SLCO1A2: variants seen among roughly 807,000 people sequenced by gnomAD.
SLCO1A2 encodes the protein OATP-1.
SLCO1A2 carries 67 observed loss-of-function variants against 69.0 expected under a neutral mutation model. The ratio of observed to expected loss-of-function variants is 0.97; its 90% confidence interval spans 0.80 to 1.19. The LOEUF is 1.19. Among genes scored for constraint, SLCO1A2 ranks in the 50% most tolerant of loss-of-function variants. SLCO1A2 has a pLI of 0.00. For missense variants in SLCO1A2, 787 were observed against 793.7 expected, an observed-to-expected ratio of 0.99 and a Z score of 0.10; for synonymous variants, 260 against 265.9, an observed-to-expected ratio of 0.98 and a Z score of 0.22.
At position 21,265,125 on chromosome 12, in the gene SLCO1A2, A is replaced by G. The variant is rs1941939855; in HGVS notation, c.*4423T>C. On this transcript the variant is annotated 3_prime_UTR_variant, in exon 15 of 15. Transcript: ENST00000683939. ...AACATCAATTGTATGAGTGTAATAGACATTCTAGTTCTTCAGCAGCTGGGG... is the reference window on the plus strand; with the variant it reads ...AACATCAATTGTATGAGTGTAATAGGCATTCTAGTTCTTCAGCAGCTGGGG... 1 of 152,180 alleles carries G rather than the reference A, an allele frequency of 6.6e-6. No individual in the cohort carries two copies. Among genetic ancestry groups the G allele is most frequent in the South Asian group, 2.1e-4 (1 of 4,824 alleles). 9.4% of individuals were successfully genotyped at this position (152,180 alleles called of 1,614,324 possible).
intron 4 of SLCO1A2, among the ~76,000 whole-genome samples, chr12:21,309,060 C>G (rs2136579120): frequency 6.6e-6 from 1 of 152,012 alleles, no homozygotes; most frequent in Admixed American, 6.5e-5. Flanking sequence ...AAGGGACATT[C>G]AAAGAATAAG....
intron 1 of SLCO1A2, among the ~76,000 whole-genome samples, chr12:21,377,149 A>G (rs1940258397): frequency 6.6e-6 from 1 of 152,168 alleles, no homozygotes; most frequent in Non-Finnish European, 1.5e-5. Flanking sequence ...GGCTAGAAAA[A>G]TGTGATGAAT....
chr12:21,304,539 C>A lies in SLCO1A2; in HGVS notation c.477G>T (p.Val159=). 6.2e-7 allele frequency: 1 copy of A among 1,612,332 alleles called. No individual in the cohort carries two copies. The highest frequency in any genetic ancestry group is 8.5e-7 in the Non-Finnish European group (1 of 1,178,948). ...CTKEVKSLMW[V]YVLVGNIVRG... Reference sequence around the variant, plus strand: ...GTACAATATTGCCTACTAGGACGTACACCCACATTAATGATTTAACTTCCT... The same window carrying A: ...GTACAATATTGCCTACTAGGACGTAAACCCACATTAATGATTTAACTTCCT... The change falls in exon 6 of 15, where the codon GTG becomes GTT. Residue 159 remains valine (V), a synonymous_variant. Transcript: ENST00000683939.
intron 2 of SLCO1A2, among the ~76,000 whole-genome samples, chr12:21,327,500 G>A (rs1368725083): frequency 1.3e-5 from 2 of 152,124 alleles, no homozygotes; most frequent in African/African-American, 4.8e-5. Context: ...AAGCAGCCAG[G>A]AGAGGGGCAC....
chr12:21,283,227 A>T (rs1945132759), intron 12 of SLCO1A2, among the ~76,000 whole-genome samples: 1 of 152,168 alleles, frequency 6.6e-6, no homozygotes, highest in South Asian at 2.1e-4. Flanking sequence ...AGACACATAG[A>T]CCAATGGAGC....
chr12:21,407,828 A>G (rs113442290), intron 1 of SLCO1A2, among the ~76,000 whole-genome samples: 1 of 130,160 alleles, frequency 7.7e-6, no homozygotes, highest in African/African-American at 2.6e-5. Flanking sequence ...AATGAAAAAA[A>G]AAAAAAAAAG....
chr12:21,283,813 C>G (rs1471839841), intron 12 of SLCO1A2, among the ~76,000 whole-genome samples: 1 of 152,102 alleles, frequency 6.6e-6, no homozygotes, highest in African/African-American at 2.4e-5. Flanking sequence ...TGAAAAGGTG[C>G]TCAGCATCAA....
chr12:21,413,095 A>G (rs1941934127), intron 1 of SLCO1A2, among the ~76,000 whole-genome samples: 2 of 151,498 alleles, frequency 1.3e-5, no homozygotes, highest in African/African-American at 4.9e-5. Flanking sequence ...TTATTTTTGT[A>G]TTATTTTTTT....
chr12:21,307,934 A>G (rs1218073515), intron 4 of SLCO1A2, among the ~76,000 whole-genome samples: 2 of 152,182 alleles, frequency 1.3e-5, no homozygotes, highest in Non-Finnish European at 1.5e-5. Flanking sequence ...GCTGTGAACT[A>G]TAGACAAAGG....
At chr12:21,270,489 A>T (rs57899519) in intron 14 of SLCO1A2, among the ~76,000 whole-genome samples, 38,644 of 151,494 alleles carry the variant, frequency 0.26, 5,767 homozygotes, top group African/African-American at 0.42. Context: ...TTATTAAGAT[A>T]GTACTAGCTT....
At chr12:21,332,253 C>G (rs1036457679) in intron 2 of SLCO1A2, among the ~76,000 whole-genome samples, 1 of 152,070 alleles carries the variant, frequency 6.6e-6, no homozygotes, top group Non-Finnish European at 1.5e-5. Context: ...GTCAAGATAA[C>G]TCAAAGCAGG....
intron 12 of SLCO1A2, among the ~76,000 whole-genome samples, chr12:21,277,767 G>A (rs889989306): frequency 1.3e-5 from 2 of 152,132 alleles, no homozygotes; most frequent in Non-Finnish European, 2.9e-5. Context: ...TAGGGTTCAC[G>A]CTCCTATGAG....
intron 1 of SLCO1A2, among the ~76,000 whole-genome samples, chr12:21,413,574 C>T (rs568723797): frequency 4.6e-5 from 7 of 152,162 alleles, no homozygotes; most frequent in Admixed American, 2.6e-4. Context: ...GACAGGCCTG[C>T]ATAGCACTCC....
At chr12:21,342,182 T>C (rs934429073) in intron 2 of SLCO1A2, among the ~76,000 whole-genome samples, 3 of 152,056 alleles carry the variant, frequency 2.0e-5, no homozygotes, top group Non-Finnish European at 4.4e-5. Context: ...AAAATGATAA[T>C]GTTATACATT....
At chr12:21,353,619 T>C (rs1431316561) in intron 2 of SLCO1A2, among the ~76,000 whole-genome samples, 2 of 152,172 alleles carry the variant, frequency 1.3e-5, no homozygotes, top group African/African-American at 4.8e-5. Context: ...AAATCTCCTG[T>C]GGACAACTTG....
Position 21,297,476 on chromosome 12 carries a change from T to A in SLCO1A2, c.1003A>T (p.Met335Leu). ...SVIQFNAFVNMISFMPKYLEQ... is the reference protein window; with the variant it reads ...SVIQFNAFVNLISFMPKYLEQ... ...AGGTATTTAGGCATGAAGGAGATCATGTTAACGAATGCATTGAACTGTATC... is the reference window on the plus strand; with the variant it reads ...AGGTATTTAGGCATGAAGGAGATCAAGTTAACGAATGCATTGAACTGTATC... The change falls in exon 9 of 15, where the codon ATG (methionine) becomes TTG (leucine). Residue 335 changes from methionine to leucine, a missense_variant. Coordinates refer to ENST00000683939, the MANE Select transcript of SLCO1A2 (RefSeq NM_001386879.1). 1 of 1,612,330 alleles carries A rather than the reference T, an allele frequency of 6.2e-7. No individual in the cohort carries two copies. The highest frequency in any genetic ancestry group is 8.5e-7 in the Non-Finnish European group (1 of 1,178,612).
chr12:21,387,294 C>A (rs1940927735), intron 1 of SLCO1A2, among the ~76,000 whole-genome samples: 1 of 152,172 alleles, frequency 6.6e-6, no homozygotes, highest in South Asian at 2.1e-4. Flanking sequence ...TGCTAATCAC[C>A]AAGATGATGG....
chr12:21,295,816 T>C (rs752904279), intron 9 of SLCO1A2, 24 bp from the exon 10 acceptor site: 35 of 1,302,102 alleles, frequency 2.7e-5, no homozygotes, highest in Non-Finnish European at 3.7e-5. Flanking sequence ...TAAAATATTA[T>C]TTACAAAATG....
chr12:21,314,827 A>G lies in SLCO1A2; in HGVS notation c.203-146T>C, dbSNP rs910099450. The G allele has an allele frequency of 1.9e-5, 13 of 672,218 alleles. No individual in the cohort carries two copies. The Admixed American group carries it at 3.1e-4, about 16-fold the overall frequency. 41.6% of individuals were successfully genotyped at this position (672,218 alleles called of 1,614,324 possible). The stretch of plus-strand genomic sequence containing the variant: ...TGTGCTAGGGTTGCATTAAATAATA[A>G]ATGAATATAACACAATCCCTGCCCC... On this transcript the variant is annotated intron_variant, in intron 3 of 14. Coordinates refer to ENST00000683939, the MANE Select transcript of SLCO1A2 (RefSeq NM_001386879.1).
Sources: allele counts gnomAD v4.1 joint callset (sites outside exome capture counted in the v4.1 genomes callset), GRCh38; gene constraint gnomAD v4.1.1; transcripts MANE v1.5; gene names NCBI Gene and HGNC (gene_info 2026-07-23, HGNC 2026-07-21).